The following MSRA variants were observed in gnomAD, a reference collection of about 807,000 sequenced individuals.
The protein encoded by MSRA is methionine sulfoxide reductase A, also known as mitochondrial peptide methionine sulfoxide reductase.
MSRA carries 54 observed loss-of-function variants against 31.3 expected under a neutral mutation model. That is an observed-to-expected ratio of 1.73 (90% CI 1.39 to 2.17). The LOEUF is 2.17. Ranked by LOEUF, MSRA falls within the 30% of genes most tolerant of loss-of-function variation. MSRA has a pLI of 0.00. For missense variants in MSRA, 507 were observed against 300.9 expected, an observed-to-expected ratio of 1.69 and a Z score of -5.07; for synonymous variants, 169 against 116.5, an observed-to-expected ratio of 1.45 and a Z score of -2.90.
intron 1 of MSRA, among the ~76,000 whole-genome samples, chr8:10,070,476 A>T (rs574385916): frequency 6.6e-6 from 1 of 152,222 alleles, no homozygotes; most frequent in Non-Finnish European, 1.5e-5. Context: ...GAAGTAATAC[A>T]AACTGTTGTA....
rs577552387 is a variant in MSRA at position 10,377,035 on chromosome 8, A to G, written c.544-51113A>G. On this transcript the variant is annotated intron_variant, in intron 5 of 5. Coordinates refer to ENST00000317173, the MANE Select transcript of MSRA (RefSeq NM_012331.5). The stretch of plus-strand genomic sequence containing the variant: ...AAGCCACTGAAGCCTTCTAGATCTG[A>G]CTCAGGTTCCTCATCTGAGAAATGG... Among the ~76,000 whole-genome samples the G allele has an allele frequency of 3.5e-4, 54 of 152,304 alleles. No individual in the cohort carries two copies. The South Asian group carries it at 4.8e-3, about 13-fold the overall frequency.
At chr8:10,113,143 G>C (rs968468078) in intron 1 of MSRA, among the ~76,000 whole-genome samples, 3 of 151,930 alleles carry the variant, frequency 2.0e-5, no homozygotes, top group African/African-American at 7.2e-5. Flanking sequence ...CCCCCTGTAG[G>C]TGCTCACTAA....
At chr8:10,399,647 C>T (rs904028353) in intron 5 of MSRA, among the ~76,000 whole-genome samples, 2 of 152,176 alleles carry the variant, frequency 1.3e-5, no homozygotes, top group Non-Finnish European at 2.9e-5. Flanking sequence ...TACAAATTAC[C>T]CAGCCTCTGA....
In MSRA at chr8:10,207,645, C is replaced by T. The variant is rs374995732; in HGVS notation, c.143-188C>T. Among the ~76,000 whole-genome samples, 24 of 152,294 alleles carry T rather than the reference C, an allele frequency of 1.6e-4. No homozygotes were observed. In the East Asian group the frequency reaches 4.3e-3, roughly 27 times the overall value. Reference sequence around the variant, plus strand: ...TCATTTATAAAATGACATACCTGAACTAGATGATCTCTAGGCCCTTCTGCA... The same window carrying T: ...TCATTTATAAAATGACATACCTGAATTAGATGATCTCTAGGCCCTTCTGCA... On this transcript the variant is annotated intron_variant, in intron 1 of 5. Coordinates refer to ENST00000317173, the MANE Select transcript of MSRA (RefSeq NM_012331.5).
intron 4 of MSRA, among the ~76,000 whole-genome samples, chr8:10,310,771 T>C (rs1297234257): frequency 1.3e-5 from 2 of 152,236 alleles, no homozygotes; most frequent in East Asian, 3.8e-4. Flanking sequence ...CTGATGTTCT[T>C]TCTGTTGGGT....
intron 5 of MSRA, among the ~76,000 whole-genome samples, chr8:10,415,539 G>A (rs1291509115): frequency 6.6e-6 from 1 of 152,068 alleles, no homozygotes; most frequent in Non-Finnish European, 1.5e-5. Flanking sequence ...CCAGAGACGA[G>A]TACGCAGAAA....
intron 3 of MSRA, among the ~76,000 whole-genome samples, chr8:10,283,226 A>G (rs951112788): frequency 1.3e-5 from 2 of 149,888 alleles, no homozygotes; most frequent in Non-Finnish European, 3.0e-5. Context: ...ACACCATGCA[A>G]GATGCATTCA....
intron 5 of MSRA, among the ~76,000 whole-genome samples, chr8:10,338,229 T>C (rs1048362274): frequency 1.3e-5 from 2 of 152,092 alleles, no homozygotes; most frequent in East Asian, 1.9e-4. Context: ...GTTGTTTATG[T>C]TGAGTGAAAT....
intron 1 of MSRA, among the ~76,000 whole-genome samples, chr8:10,117,823 T>A (rs1281289655): frequency 6.6e-6 from 1 of 152,172 alleles, no homozygotes; most frequent in Non-Finnish European, 1.5e-5. Context: ...AACCCTAAAT[T>A]TACTCTCATT....
intron 5 of MSRA, among the ~76,000 whole-genome samples, chr8:10,328,858 T>C (rs559815816): frequency 1.1e-4 from 16 of 152,088 alleles, no homozygotes; most frequent in Non-Finnish European, 1.9e-4. Context: ...TAAAGGATGG[T>C]TTTATACTTC....
intron 4 of MSRA, among the ~76,000 whole-genome samples, chr8:10,314,979 G>A (rs530986869): frequency 4.9e-4 from 74 of 152,340 alleles, no homozygotes; most frequent in Non-Finnish European, 2.8e-4. Flanking sequence ...TGGACCCCAA[G>A]TTCCACATGG....
chr8:10,171,145 T>G (rs138687075), intron 1 of MSRA, among the ~76,000 whole-genome samples: 2 of 152,352 alleles, frequency 1.3e-5, no homozygotes, highest in African/African-American at 2.4e-5. Context: ...TCCTATACCT[T>G]TAACATTTTG....
chr8:10,363,200 T>G (rs1238313729), intron 5 of MSRA, among the ~76,000 whole-genome samples: 1 of 152,236 alleles, frequency 6.6e-6, no homozygotes, highest in African/African-American at 2.4e-5. Context: ...CTAGTTCATT[T>G]TCCAGCTGGG....
At chr8:10,403,248 G>C (rs1807575559) in intron 5 of MSRA, among the ~76,000 whole-genome samples, 1 of 152,248 alleles carries the variant, frequency 6.6e-6, no homozygotes, top group South Asian at 2.1e-4. Context: ...GTGGGTGGCA[G>C]ATGGGAAGGC....
intron 1 of MSRA, among the ~76,000 whole-genome samples, chr8:10,140,291 C>A (rs571044069): frequency 3.4e-4 from 52 of 152,298 alleles, no homozygotes; most frequent in African/African-American, 1.2e-3. Flanking sequence ...ATCTTATGAC[C>A]TGCCATAGGG....
At chr8:10,249,127 G>A (rs1797784012) in intron 3 of MSRA, among the ~76,000 whole-genome samples, 1 of 146,038 alleles carries the variant, frequency 6.8e-6, no homozygotes, top group South Asian at 2.1e-4. Flanking sequence ...GCACTTTTAA[G>A]TTGTATCACT....
At chr8:10,199,107 C>G (rs1043224881) in intron 1 of MSRA, among the ~76,000 whole-genome samples, 11 of 152,138 alleles carry the variant, frequency 7.2e-5, no homozygotes, top group Non-Finnish European at 1.5e-5. Flanking sequence ...GTGATGCAAC[C>G]TCTGTCTTTT....
intron 5 of MSRA, among the ~76,000 whole-genome samples, chr8:10,417,933 G>T (rs181344595): frequency 3.9e-5 from 6 of 152,206 alleles, no homozygotes; most frequent in Admixed American, 6.5e-5. Context: ...GCTAGAGGGC[G>T]AAGTGAGTCT....
intron 5 of MSRA, chr8:10,337,719 C>A (rs942538854): frequency 5.7e-6 from 4 of 702,498 alleles, no homozygotes; most frequent in Non-Finnish European, 7.8e-6. Flanking sequence ...CTGGTGCTTC[C>A]CTGTTCTTCC....
Sources: gnomAD v4.1 joint callset for allele counts (sites outside exome capture counted in the v4.1 genomes callset) on GRCh38, gnomAD v4.1.1 for gene constraint, MANE v1.5 for transcripts, NCBI Gene and HGNC (gene_info 2026-07-23, HGNC 2026-07-21) for gene names.